Variants in ARRDC5 observed in about 807,000 individuals in gnomAD.
The protein encoded by ARRDC5 is arrestin domain containing 5.
A neutral mutation model predicts 13.3 loss-of-function variants in ARRDC5; 12 were observed. The observed-to-expected ratio is 0.90, with a 90% CI of 0.58 to 1.46. The LOEUF is 1.46. ARRDC5 is among the 40% of genes most tolerant of loss of function. The probability of loss-of-function intolerance (pLI) is 0.00; values close to 1 mark genes in which losing one functional copy is unlikely to be tolerated. For missense variants in ARRDC5, 406 were observed against 418.7 expected, an observed-to-expected ratio of 0.97 and a Z score of 0.26; for synonymous variants, 181 against 173.4, an observed-to-expected ratio of 1.04 and a Z score of -0.34.
the ARRDC5 span, among the ~76,000 whole-genome samples, chr19:4,912,059 A>G: frequency 5.7e-3 from 875 of 152,248 alleles, 14 homozygotes; most frequent in African/African-American, 0.02. Flanking sequence ...AGACCTGATG[A>G]TTAATTTCTC....
In ARRDC5 at chr19:4,891,012, T is replaced by G. The variant is rs1208105685; in HGVS notation, c.*34A>C. 1 of 1,566,888 alleles carries G rather than the reference T, an allele frequency of 6.4e-7. No individual in the cohort carries two copies. The highest frequency in any genetic ancestry group is 8.7e-7 in the Non-Finnish European group (1 of 1,154,490). On this transcript the variant is annotated 3_prime_UTR_variant, in exon 3 of 3. Coordinates refer to ENST00000650722, the MANE Select transcript of ARRDC5 (RefSeq NM_001080523.3). The stretch of plus-strand genomic sequence containing the variant: ...GAGAGGGCTTCCTCCTGGTAGAGAC[T>G]AATAAAGCTTTTAATATTTAAAAGT...
chr19:4,900,349 C>T (rs1239387924), intron 1 of ARRDC5, among the ~76,000 whole-genome samples: 1 of 151,306 alleles, frequency 6.6e-6, no homozygotes, highest in African/African-American at 2.4e-5. Flanking sequence ...AACTCTTGTC[C>T]TCTGGTGATC....
At chr19:4,912,117 G>GT in the ARRDC5 span, among the ~76,000 whole-genome samples, 2 of 152,164 alleles carry the variant, frequency 1.3e-5, no homozygotes, top group African/African-American at 4.8e-5. Flanking sequence ...TCCCGTAAGA[G>GT]ACGTGATGAC....
At chr19:4,896,325 A>T (rs1465771831) in intron 2 of ARRDC5, among the ~76,000 whole-genome samples, 777 of 74,028 alleles carry the variant, frequency 0.01, 13 homozygotes, top group African/African-American at 0.035. Context: ...AAAAAAAAAA[A>T]AAAAATATAT....
chr19:4,898,919 C>T (rs2031821329), intron 1 of ARRDC5, among the ~76,000 whole-genome samples: 1 of 151,932 alleles, frequency 6.6e-6, no homozygotes, highest in African/African-American at 2.4e-5. Context: ...AGCCACCGTG[C>T]CCGGCCCAGG....
At position 4,890,610 on chromosome 19, in the gene ARRDC5, C is replaced by G; in HGVS notation, c.*436G>C. ...AACAATTCCTGATTGTGGGGGCCGT[C>G]CTGGACACTGCAGGGTGCTGAACAG... On this transcript the variant is annotated 3_prime_UTR_variant, in exon 3 of 3. Coordinates refer to ENST00000650722, the MANE Select transcript of ARRDC5 (RefSeq NM_001080523.3). 5.3e-6 allele frequency: 1 copy of G among 189,360 alleles called. No individual in the cohort carries two copies. The highest frequency in any genetic ancestry group is 1.1e-5 in the Non-Finnish European group (1 of 90,298). The allele number at this position is 189,360 out of a possible 1,614,324, so 11.7% of individuals were successfully genotyped here. A position where few individuals can be genotyped will look rare whatever the true frequency, so the allele number is the denominator to read the frequency against.
intron 1 of ARRDC5, among the ~76,000 whole-genome samples, chr19:4,898,270 T>G (rs927825099): frequency 2.0e-5 from 3 of 152,142 alleles, no homozygotes; most frequent in African/African-American, 7.2e-5. Context: ...TTGTTTCATT[T>G]TCCTTCTTGC....
upstream of ARRDC5, among the ~76,000 whole-genome samples, chr19:4,907,051 A>G (rs1239849625): frequency 6.6e-6 from 1 of 152,208 alleles, no homozygotes; most frequent in Admixed American, 6.5e-5. Context: ...CGTGGATTAG[A>G]ATGCAGGAGC....
At chr19:4,906,277 C>G (rs185584560), upstream of ARRDC5, among the ~76,000 whole-genome samples, 17 of 152,314 alleles carry the variant, frequency 1.1e-4, no homozygotes, top group East Asian at 3.1e-3. Flanking sequence ...CTGCACCCAG[C>G]TGGACAATTA....
At chr19:4,891,708 ACACC>A in intron 2 of ARRDC5, 135 bp from the exon 3 acceptor site, 3 of 754,780 alleles carry the variant, frequency 4.0e-6, no homozygotes, top group Non-Finnish European at 6.3e-6. Flanking sequence ...TATAATCCCA[ACACC>A]TTGGGAGGCC....
At chr19:4,892,132 G>C (rs964925812) in intron 2 of ARRDC5, among the ~76,000 whole-genome samples, 6 of 151,956 alleles carry the variant, frequency 3.9e-5, no homozygotes, top group Admixed American at 1.3e-4. Context: ...CTGTTGCCCA[G>C]GCTGGAGTGG....
chr19:4,904,705 A>G (rs2146264478), upstream of ARRDC5, among the ~76,000 whole-genome samples: 1 of 152,330 alleles, frequency 6.6e-6, no homozygotes, highest in Non-Finnish European at 1.5e-5. Context: ...GTGCCCATCA[A>G]TGTCTGCGTG....
In ARRDC5 at chr19:4,902,863, C is replaced by G. The variant is rs1183602444; in HGVS notation, c.-38G>C. On this transcript the variant is annotated 5_prime_UTR_variant, in exon 1 of 3. Coordinates refer to ENST00000650722, the MANE Select transcript of ARRDC5 (RefSeq NM_001080523.3). ...GGTAGAGAGACATTCCTCTCTGTCC[C>G]CCATGTCCCTGAAATTCCCGGTTCG... is the stretch of plus-strand genomic sequence containing the variant. 6.2e-7 allele frequency: 1 copy of G among 1,612,688 alleles called. No homozygotes were observed.
intron 2 of ARRDC5, among the ~76,000 whole-genome samples, chr19:4,892,531 CT>C (rs1555740146): frequency 9.0e-4 from 128 of 142,370 alleles, no homozygotes; most frequent in East Asian, 3.3e-3. Context: ...CACACCCCAG[CT>C]TTTTTTTTTT....
chr19:4,910,801 C>T, the ARRDC5 span: 1 of 1,475,828 alleles, frequency 6.8e-7, no homozygotes, highest in Admixed American at 2.2e-5. Flanking sequence ...AAAAGCAACC[C>T]CGACTCCTTA....
At chr19:4,903,795 G>A (rs1458062035), upstream of ARRDC5, 1 of 152,022 alleles carries the variant, frequency 6.6e-6, no homozygotes, top group Non-Finnish European at 1.5e-5. Context: ...GAGCCACTGT[G>A]CCCAGGTGCA....
the ARRDC5 span, among the ~76,000 whole-genome samples, chr19:4,916,373 C>A: frequency 7.2e-5 from 11 of 152,246 alleles, no homozygotes; most frequent in African/African-American, 2.4e-4. Flanking sequence ...AGCGCGCCCC[C>A]TCTTTTAGCT....
At chr19:4,911,069 G>C in the ARRDC5 span, 24 of 1,513,036 alleles carry the variant, frequency 1.6e-5, no homozygotes, top group Non-Finnish European at 2.0e-5. Flanking sequence ...TTTGTTCTAT[G>C]CCTGGTCCAG....
In ARRDC5 at chr19:4,896,405, C is replaced by CAT. The variant is rs1555740989; in HGVS notation, c.459+264_459+265dup. Among the ~76,000 whole-genome samples, 19 of 106,388 alleles carry CAT rather than the reference C, an allele frequency of 1.8e-4. No individual in the cohort carries two copies. The South Asian group carries it at 3.6e-3, about 20-fold the overall frequency. The allele number at this position is 106,388 out of a possible 152,430, so 69.8% of individuals were successfully genotyped here. A position where few individuals can be genotyped will look rare whatever the true frequency, so the allele number is the denominator to read the frequency against. ...ACACACACACACACACACACACACA[C>CAT]ATATATATAATTTTATTTTAGAGAC... On this transcript the variant is annotated intron_variant, in intron 2 of 2. Coordinates refer to ENST00000650722, the MANE Select transcript of ARRDC5 (RefSeq NM_001080523.3).
Sources: gnomAD v4.1 joint callset for allele counts (sites outside exome capture counted in the v4.1 genomes callset) on GRCh38, gnomAD v4.1.1 for gene constraint, MANE v1.5 for transcripts, NCBI Gene and HGNC (gene_info 2026-07-23, HGNC 2026-07-21) for gene names.